Variants in ETS1 observed in about 807,000 individuals in gnomAD.
ETS1 encodes ETS proto-oncogene 1, transcription factor.
ETS1 carries 15 observed loss-of-function variants against 58.6 expected under a neutral mutation model. The observed-to-expected ratio is 0.26, with a 90% CI of 0.17 to 0.39. ETS1 has a LOEUF of 0.39. Among genes scored for constraint, ETS1 ranks in the 10% least tolerant of loss-of-function variants. The pLI is 1.00. For synonymous variants in ETS1, 214 were observed against 218.2 expected, an observed-to-expected ratio of 0.98 and a Z score of 0.17; for missense variants, 417 against 610.5, an observed-to-expected ratio of 0.68 and a Z score of 3.34.
chr11:128,552,822 C>T (rs988440942), intron 3 of ETS1, among the ~76,000 whole-genome samples: 10 of 152,150 alleles, frequency 6.6e-5, no homozygotes, highest in African/African-American at 1.2e-4. Context: ...CTCTGAGGCT[C>T]GCTACCGTTA....
chr11:128,524,931 T>G (rs1039828773), intron 3 of ETS1, among the ~76,000 whole-genome samples: 1 of 152,074 alleles, frequency 6.6e-6, no homozygotes, highest in African/African-American at 2.4e-5. Flanking sequence ...CATGTATGCC[T>G]CAGTGTCCCC....
At chr11:128,475,365 T>C (rs915706342) in intron 8 of ETS1, among the ~76,000 whole-genome samples, 3 of 152,234 alleles carry the variant, frequency 2.0e-5, no homozygotes, top group Non-Finnish European at 2.9e-5. Context: ...AAACATGTTT[T>C]AGCAGTAGTT....
chr11:128,463,675 C>T lies in ETS1; in HGVS notation c.1124-48G>A, dbSNP rs765567222. ...ATCATTACACCAGATATTCAGCACT[C>T]TACGCAGCTAATCCCCACACACGGC... On this transcript the variant is annotated intron_variant, in intron 8 of 9. Transcript: ENST00000392668. This position sits in a 1 kb window ranked among gnomAD's most constrained non-coding sequence, Gnocchi z 4.1. 3 of 1,029,668 alleles carry T rather than the reference C, an allele frequency of 2.9e-6. No individual in the cohort carries two copies. In the South Asian group the frequency reaches 3.8e-5, roughly 13 times the overall value. The allele number at this position is 1,029,668 out of a possible 1,614,324, so 63.8% of individuals were successfully genotyped here.
intron 3 of ETS1, chr11:128,522,440 G>A (rs1455698166): frequency 1.3e-6 from 1 of 770,684 alleles, no homozygotes; most frequent in East Asian, 1.3e-4. Flanking sequence ...GGGGAGCGAG[G>A]GGCGGGGCGT....
At chr11:128,546,927 C>T (rs1864141572) in intron 3 of ETS1, among the ~76,000 whole-genome samples, 1 of 152,158 alleles carries the variant, frequency 6.6e-6, no homozygotes, top group South Asian at 2.1e-4. Context: ...GCTCCCCATC[C>T]CTACCTCCAG....
intron 2 of ETS1, among the ~76,000 whole-genome samples, chr11:128,558,153 G>T (rs1333993728): frequency 6.6e-6 from 1 of 152,164 alleles, no homozygotes; most frequent in Non-Finnish European, 1.5e-5. Context: ...TGCATTAAAG[G>T]TACTGAGGAT....
chr11:128,574,200 A>AC (rs1397927541), intron 1 of ETS1, among the ~76,000 whole-genome samples: 2 of 152,226 alleles, frequency 1.3e-5, no homozygotes, highest in African/African-American at 4.8e-5. Flanking sequence ...CCTAAGGGCT[A>AC]CAACAACAAA....
intron 2 of ETS1, among the ~76,000 whole-genome samples, chr11:128,571,194 C>G (rs1475930157): frequency 6.6e-6 from 1 of 150,800 alleles, no homozygotes; most frequent in Non-Finnish European, 1.5e-5. Context: ...TTTGGGAGGC[C>G]GAGGCGGGCG....
intron 3 of ETS1, among the ~76,000 whole-genome samples, chr11:128,547,846 G>C (rs1864155204): frequency 6.6e-6 from 1 of 152,068 alleles, no homozygotes; most frequent in South Asian, 2.1e-4. Flanking sequence ...TCAAGATGTG[G>C]GGCAGGGTCT....
At chr11:128,542,742 G>A (rs1864074905) in intron 3 of ETS1, among the ~76,000 whole-genome samples, 1 of 152,156 alleles carries the variant, frequency 6.6e-6, no homozygotes, top group Admixed American at 6.5e-5. Flanking sequence ...AGTGAGCTCA[G>A]TTTTAAGTCT....
At chr11:128,551,074 A>G (rs1864221094) in intron 3 of ETS1, among the ~76,000 whole-genome samples, 1 of 152,238 alleles carries the variant, frequency 6.6e-6, no homozygotes, top group Non-Finnish European at 1.5e-5. Context: ...TCTGAAGAAC[A>G]AAGAACCTGA....
At chr11:128,521,534 C>T (rs1863669081) in intron 3 of ETS1, among the ~76,000 whole-genome samples, 1 of 152,010 alleles carries the variant, frequency 6.6e-6, no homozygotes, top group Admixed American at 6.6e-5. Context: ...TGGAGTCAGG[C>T]GATGATGTCC....
At chr11:128,580,176 TAAAAAAAAAAA>T (rs140049360) in intron 1 of ETS1, among the ~76,000 whole-genome samples, 4 of 102,396 alleles carry the variant, frequency 3.9e-5, no homozygotes, top group Non-Finnish European at 5.7e-5. Context: ...GTTTGGACAT[TAAAAAAAAAAA>T]AAAAAAAAAA....
intron 1 of ETS1, among the ~76,000 whole-genome samples, chr11:128,573,409 A>G (rs1379234485): frequency 7.2e-5 from 11 of 152,228 alleles, no homozygotes; most frequent in Admixed American, 7.2e-4. Context: ...GCAGACAGCA[A>G]GCAGTAAACC....
chr11:128,537,889 G>C (rs1183221557), intron 3 of ETS1, among the ~76,000 whole-genome samples: 2 of 152,132 alleles, frequency 1.3e-5, no homozygotes, highest in Non-Finnish European at 2.9e-5. Flanking sequence ...TACAAGAAGG[G>C]AGAAGAAGTA....
At chr11:128,500,880 C>T (rs1219890976) in intron 3 of ETS1, among the ~76,000 whole-genome samples, 1 of 152,116 alleles carries the variant, frequency 6.6e-6, no homozygotes, top group Admixed American at 6.5e-5. Context: ...ACCATACTTC[C>T]CCAGAAGTCT....
chr11:128,542,937 C>T (rs1429841627), intron 3 of ETS1, among the ~76,000 whole-genome samples: 1 of 152,100 alleles, frequency 6.6e-6, no homozygotes, highest in Non-Finnish European at 1.5e-5. Context: ...CTTTGGGAGG[C>T]CGAGATGGGT....
chr11:128,491,184 T>C (rs1424753140), intron 3 of ETS1, among the ~76,000 whole-genome samples: 2 of 152,218 alleles, frequency 1.3e-5, no homozygotes. Flanking sequence ...CTACATACTT[T>C]CAGTTACCTA....
intron 3 of ETS1, among the ~76,000 whole-genome samples, chr11:128,547,219 T>C (rs1415261744): frequency 1.3e-5 from 2 of 152,228 alleles, no homozygotes; most frequent in East Asian, 1.9e-4. Flanking sequence ...CTGCGTACTC[T>C]AGAAGTACAA....
Sources: gnomAD v4.1 joint callset for allele counts (sites outside exome capture counted in the v4.1 genomes callset) on GRCh38, gnomAD v4.1.1 for gene constraint, Gnocchi (gnomAD v3.1) non-coding constraint, MANE v1.5 for transcripts, NCBI Gene and HGNC (gene_info 2026-07-23, HGNC 2026-07-21) for gene names.